ADAM9: variants seen among roughly 807,000 people sequenced by gnomAD.
ADAM9 encodes ADAM metallopeptidase domain 9.
A neutral mutation model predicts 108.1 loss-of-function variants in ADAM9; 54 were observed. The observed-to-expected ratio is 0.50, with a 90% CI of 0.40 to 0.63. The LOEUF is 0.63. Ranked by LOEUF, ADAM9 falls within the 20% of genes least tolerant of loss-of-function variation. The pLI is 0.00. For missense variants in ADAM9, 830 were observed against 997.7 expected (o/e 0.83, Z 2.26); for synonymous variants, 316 against 336.0 (o/e 0.94, Z 0.65).
intron 11 of ADAM9, among the ~76,000 whole-genome samples, chr8:39,035,366 TAAGCATAA>T (rs1444523880): frequency 6.6e-6 from 1 of 152,250 alleles, no homozygotes; most frequent in African/African-American, 2.4e-5. Flanking sequence ...CTGATCATAG[TAAGCATAA>T]ATGTCTTATG....
At chr8:39,033,055 G>C (rs969394894) in intron 11 of ADAM9, among the ~76,000 whole-genome samples, 1 of 152,156 alleles carries the variant, frequency 6.6e-6, no homozygotes, top group Non-Finnish European at 1.5e-5. Flanking sequence ...CTGTATGTGA[G>C]CATGAAATAT....
In ADAM9 at chr8:39,042,650, TTA is replaced by T. The variant is rs1352111597; in HGVS notation, c.1302+535_1302+536del. On this transcript the variant is annotated intron_variant, in intron 12 of 21. Transcript: ENST00000487273. ...CCCATAAATCTTTTACTTCCTTTTT[TTA>T]TGTTTGATGTTTTTCTTTTTAGACT... is the stretch of plus-strand genomic sequence containing the variant. Among the ~76,000 whole-genome samples the T allele has an allele frequency of 2.6e-5, 4 of 152,202 alleles. No individual in the cohort carries two copies. The South Asian group carries it at 8.3e-4, about 31-fold the overall frequency.
intron 12 of ADAM9, among the ~76,000 whole-genome samples, chr8:39,046,511 G>A (rs1237791655): frequency 1.3e-5 from 2 of 152,260 alleles, no homozygotes; most frequent in South Asian, 2.1e-4. Flanking sequence ...TAGAAGTGGC[G>A]AGATTGGGCA....
intron 12 of ADAM9, among the ~76,000 whole-genome samples, chr8:39,054,118 G>A (rs868398197): frequency 6.6e-4 from 101 of 152,176 alleles, no homozygotes; most frequent in African/African-American, 2.4e-3. Context: ...CCCTCTGCAA[G>A]CCAGGAAGAG....
In ADAM9 at chr8:39,016,118, A is replaced by T; in HGVS notation, c.334A>T (p.Asn112Tyr). The T allele has an allele frequency of 2.5e-6, 4 of 1,613,094 alleles. No homozygotes were observed. Among genetic ancestry groups the T allele is most frequent in the Non-Finnish European group, 3.4e-6 (4 of 1,179,116 alleles). ...TLITDHPNIQNHCHYRGYVEG... is the reference protein window; with the variant it reads ...TLITDHPNIQYHCHYRGYVEG... ...AGATAATACAGTATTTTTCATTTAG[A>T]ATCATTGTCATTATCGGGGCTATGT... The change falls in exon 5 of 22, where the codon AAT (asparagine) becomes TAT (tyrosine). Residue 112 changes from asparagine to tyrosine, a missense_variant and splice_region_variant. By Grantham distance (143) the Asn-to-Tyr change is moderately radical. Coordinates refer to ENST00000487273, the MANE Select transcript of ADAM9 (RefSeq NM_003816.3).
intron 11 of ADAM9, among the ~76,000 whole-genome samples, chr8:39,033,155 C>A (rs551551780): frequency 6.6e-6 from 1 of 152,212 alleles, no homozygotes; most frequent in Non-Finnish European, 1.5e-5. Context: ...TAGATTTATA[C>A]CTAACTCTCA....
chr8:39,095,756 T>G, intron 20 of ADAM9, among the ~76,000 whole-genome samples: 1 of 152,178 alleles, frequency 6.6e-6, no homozygotes, highest in South Asian at 2.1e-4. Flanking sequence ...GCTATTTAGC[T>G]CTCTCTCCAG....
chr8:39,061,697 A>G (rs1003870524), intron 14 of ADAM9, among the ~76,000 whole-genome samples: 1 of 151,924 alleles, frequency 6.6e-6, no homozygotes, highest in Non-Finnish European at 1.5e-5. Context: ...GAGCCATCAC[A>G]TGACGGAAGG....
intron 12 of ADAM9, among the ~76,000 whole-genome samples, chr8:39,046,569 A>G (rs775864919): frequency 5.9e-5 from 9 of 152,146 alleles, no homozygotes; most frequent in Non-Finnish European, 1.2e-4. Flanking sequence ...TGTTTTTCAC[A>G]ACTAGGTATG....
At chr8:39,101,768 CTGTT>C in intron 20 of ADAM9, 91 bp from the exon 21 acceptor site, 1 of 970,454 alleles carries the variant, frequency 1.0e-6, no homozygotes. Flanking sequence ...CAACTGTAGT[CTGTT>C]TATTGATTTT....
intron 3 of ADAM9, 73 bp downstream of exon 3, chr8:39,011,789 A>G: frequency 7.1e-7 from 1 of 1,408,882 alleles, no homozygotes; most frequent in East Asian, 2.3e-5. Flanking sequence ...TTCTAGTTTG[A>G]TATGGTTTAG....
chr8:39,065,031 G>A (rs1199823138), intron 14 of ADAM9, among the ~76,000 whole-genome samples: 2 of 152,040 alleles, frequency 1.3e-5, no homozygotes, highest in East Asian at 3.9e-4. Flanking sequence ...TAATTGGTGG[G>A]TACATTCAAT....
intron 11 of ADAM9, among the ~76,000 whole-genome samples, chr8:39,031,498 C>T (rs865976072): frequency 6.6e-6 from 1 of 152,220 alleles, no homozygotes; most frequent in South Asian, 2.1e-4. Flanking sequence ...TCAGCTCCAT[C>T]AGGCCATTTA....
intron 13 of ADAM9, 58 bp from the exon 14 acceptor site, chr8:39,055,519 G>A: frequency 6.5e-7 from 1 of 1,542,868 alleles, no homozygotes; most frequent in South Asian, 1.1e-5. Context: ...TTTCACATTT[G>A]ATTAATTTGT....
At position 39,068,675 on chromosome 8, in the gene ADAM9, C is replaced by CAAAAAAAAAAAAAA. The variant is rs562274321; in HGVS notation, c.1592-2597_1592-2584dup. On this transcript the variant is annotated intron_variant, in intron 14 of 21. Coordinates refer to ENST00000487273, the MANE Select transcript of ADAM9 (RefSeq NM_003816.3). ...GAGTGACAAGAGTGAAACTTCTCCT[C>CAAAAAAAAAAAAAA]AAAAAAAAAAAAAAAAAAAAAAAAA... is the stretch of plus-strand genomic sequence containing the variant. Among the ~76,000 whole-genome samples, 8 of 42,010 alleles carry CAAAAAAAAAAAAAA rather than the reference C, an allele frequency of 1.9e-4. 1 individual carries two copies. The highest frequency in any genetic ancestry group is 3.2e-4 in the Non-Finnish European group (7 of 21,616). The allele number at this position is 42,010 out of a possible 152,430, so 27.6% of individuals were successfully genotyped here.
chr8:39,034,600 C>T (rs1837209315), intron 11 of ADAM9, among the ~76,000 whole-genome samples: 2 of 151,984 alleles, frequency 1.3e-5, no homozygotes, highest in South Asian at 2.1e-4. Context: ...TTTTGTTTTT[C>T]TCCTGAGGGT....
chr8:39,037,928 A>G (rs1837337186), intron 11 of ADAM9, among the ~76,000 whole-genome samples: 2 of 152,326 alleles, frequency 1.3e-5, no homozygotes, highest in South Asian at 2.1e-4. Context: ...AATGTGATCT[A>G]CCCATAGTCT....
intron 1 of ADAM9, among the ~76,000 whole-genome samples, 163 bp downstream of exon 1, chr8:38,997,323 G>A (rs1835849037): frequency 6.6e-6 from 1 of 152,058 alleles, no homozygotes; most frequent in African/African-American, 2.4e-5. Context: ...GGTCGCACCC[G>A]AGGCGCGGGG....
At chr8:39,069,317 T>C (rs1222419054) in intron 14 of ADAM9, among the ~76,000 whole-genome samples, 1 of 152,216 alleles carries the variant, frequency 6.6e-6, no homozygotes, top group Non-Finnish European at 1.5e-5. Context: ...TCAGACTTCT[T>C]ACCTGAAGTT....
Sources: allele counts gnomAD v4.1 joint callset (sites outside exome capture counted in the v4.1 genomes callset), GRCh38; gene constraint gnomAD v4.1.1; transcripts MANE v1.5; gene names NCBI Gene and HGNC (gene_info 2026-07-23, HGNC 2026-07-21).